Variants in KCNJ1 observed in about 807,000 individuals in gnomAD.
KCNJ1 encodes the protein potassium inwardly rectifying channel subfamily J member 1.
Under a neutral mutation model 21.9 loss-of-function variants are expected in KCNJ1, and 24 were observed. The ratio of observed to expected loss-of-function variants is 1.10; its 90% CI spans 0.79 to 1.54. The LOEUF (loss-of-function observed/expected upper bound fraction) is 1.54. Ranked by LOEUF, KCNJ1 falls within the 40% of genes most tolerant of loss-of-function variation. The pLI, the probability that KCNJ1 is intolerant of heterozygous loss-of-function variation, is 0.00. For missense variants in KCNJ1, 457 were observed against 455.4 expected (o/e 1.00, Z -0.03); for synonymous variants, 152 against 160.9 (o/e 0.94, Z 0.42).
chr11:128,842,262 G>T, intron 2 of KCNJ1: 1 of 1,101,826 alleles, frequency 9.1e-7, no homozygotes, highest in Non-Finnish European at 1.4e-6. Flanking sequence ...GATTTCTGTA[G>T]AGTGAAGAAG....
intron 1 of KCNJ1, among the ~76,000 whole-genome samples, chr11:128,856,489 G>T (rs973481871): frequency 1.3e-5 from 2 of 152,220 alleles, no homozygotes; most frequent in Non-Finnish European, 2.9e-5. Context: ...GCAGAAGAGG[G>T]AGCAGGGGAG....
Position 128,842,711 on chromosome 11 carries a change from A to G in KCNJ1, c.-21-2447T>C, listed in dbSNP as rs668393. ...CAGCTAAGGTCTCTGGGCAGCAGGC[A>G]TGGATTGGGTTCCAGCATTGCCTTC... On this transcript the variant is annotated intron_variant, in intron 2 of 2. Coordinates refer to ENST00000392666, the MANE Select transcript of KCNJ1 (RefSeq NM_153766.3). 0.48 allele frequency among the ~76,000 whole-genome samples: 72,435 copies of G among 151,894 alleles called. 18,843 individuals are homozygous for G. Among genetic ancestry groups the G allele is most frequent in the African/African-American group, 0.7 (28,794 of 41,428 alleles).
At chr11:128,846,772 G>C (rs1029579973) in intron 2 of KCNJ1, among the ~76,000 whole-genome samples, 10 of 152,164 alleles carry the variant, frequency 6.6e-5, no homozygotes, top group Non-Finnish European at 1.5e-4. Flanking sequence ...GATTGGATCT[G>C]TGGAAAAGCA....
At chr11:128,849,989 G>C (rs951357315) in intron 2 of KCNJ1, among the ~76,000 whole-genome samples, 1 of 152,162 alleles carries the variant, frequency 6.6e-6, no homozygotes, top group South Asian at 2.1e-4. Context: ...AGAGGGCAAA[G>C]CTCTTGACCT....
At chr11:128,861,526 C>G (rs2135961183) in intron 1 of KCNJ1, among the ~76,000 whole-genome samples, 1 of 152,208 alleles carries the variant, frequency 6.6e-6, no homozygotes, top group Non-Finnish European at 1.5e-5. Flanking sequence ...TGGGATAGAC[C>G]CAGGCAACCT....
At chr11:128,862,169 C>T (rs1329697435) in intron 1 of KCNJ1, among the ~76,000 whole-genome samples, 1 of 152,170 alleles carries the variant, frequency 6.6e-6, no homozygotes, top group Non-Finnish European at 1.5e-5. Flanking sequence ...GTAAACTCCA[C>T]AGGCTGGGAA....
At chr11:128,845,652 G>A (rs930378501) in intron 2 of KCNJ1, among the ~76,000 whole-genome samples, 5 of 152,160 alleles carry the variant, frequency 3.3e-5, no homozygotes, top group African/African-American at 1.2e-4. Flanking sequence ...CCACTATCAG[G>A]CAGCTCACAT....
intron 1 of KCNJ1, among the ~76,000 whole-genome samples, chr11:128,863,216 GA>G (rs1319105672): frequency 6.6e-6 from 1 of 152,198 alleles, no homozygotes; most frequent in Non-Finnish European, 1.5e-5. Flanking sequence ...CACACTGATA[GA>G]CCCCAATAAA....
At chr11:128,842,823 A>C (rs1433246592) in intron 2 of KCNJ1, among the ~76,000 whole-genome samples, 6 of 152,148 alleles carry the variant, frequency 3.9e-5, no homozygotes, top group Non-Finnish European at 7.3e-5. Context: ...ACTTATCATC[A>C]ATCTCCCGGC....
chr11:128,847,686 G>A (rs971110059), intron 2 of KCNJ1, among the ~76,000 whole-genome samples: 10 of 152,170 alleles, frequency 6.6e-5, no homozygotes, highest in South Asian at 4.1e-4. Flanking sequence ...AGTGGGAAGC[G>A]CTGGAAGCTG....
chr11:128,846,431 A>G (rs1158736985), intron 2 of KCNJ1, among the ~76,000 whole-genome samples: 1 of 152,188 alleles, frequency 6.6e-6, no homozygotes, highest in African/African-American at 2.4e-5. Flanking sequence ...GTCCAGGCCA[A>G]TCGGGGTCTA....
chr11:128,843,794 G>T (rs1943331004), intron 2 of KCNJ1, among the ~76,000 whole-genome samples: 1 of 152,206 alleles, frequency 6.6e-6, no homozygotes, highest in South Asian at 2.1e-4. Flanking sequence ...ATTCAATGAT[G>T]ATATGTTGAT....
chr11:128,860,887 G>A (rs948094638), intron 1 of KCNJ1, among the ~76,000 whole-genome samples: 24 of 152,210 alleles, frequency 1.6e-4, no homozygotes, highest in Non-Finnish European at 2.9e-4. Context: ...CTATCTGGGA[G>A]ACGAAGATCA....
At chr11:128,848,986 G>A (rs1174489899) in intron 2 of KCNJ1, among the ~76,000 whole-genome samples, 4 of 152,204 alleles carry the variant, frequency 2.6e-5, no homozygotes, top group Non-Finnish European at 5.9e-5. Flanking sequence ...GGAGACACAC[G>A]CTGCGGCAGT....
At chr11:128,864,864 G>C (rs971592971) in intron 1 of KCNJ1, among the ~76,000 whole-genome samples, 2 of 152,048 alleles carry the variant, frequency 1.3e-5, no homozygotes, top group Non-Finnish European at 2.9e-5. Context: ...TTACCCGGCC[G>C]TGGTCTTACC....
rs559749766 is a variant in KCNJ1, at chr11:128,852,676, A to G, written c.-191-1786T>C. 1.9e-4 allele frequency among the ~76,000 whole-genome samples: 29 copies of G among 152,356 alleles called. No homozygotes were observed. In the South Asian group the frequency reaches 5.8e-3, roughly 30 times the overall value. ...TCTCACTGGGGCTCTTCTTGCTGGC[A>G]TTTAGCATGCCCCCATCCTCATTAC... On this transcript the variant is annotated intron_variant, in intron 1 of 2. Coordinates refer to ENST00000392666, the MANE Select transcript of KCNJ1 (RefSeq NM_153766.3).
chr11:128,840,110 AAT>A lies in KCNJ1; in HGVS notation c.132_133del (p.Phe45LeufsTer10). 6.2e-7 allele frequency: 1 copy of A among 1,614,196 alleles called. No individual in the cohort carries two copies. Among genetic ancestry groups the A allele is most frequent in the Non-Finnish European group, 8.5e-7 (1 of 1,180,036 alleles). On this transcript the variant is annotated frameshift_variant, in exon 3 of 3. Transcript: ENST00000392666. LOFTEE classifies it high-confidence loss of function. ...TACCGTTGTCCAGATGTCCACAAAG[AAT>A]ATAAACCTTGACTGTGCCTCCACAT...
chr11:128,853,788 G>A (rs568227280), intron 1 of KCNJ1, among the ~76,000 whole-genome samples: 35 of 152,238 alleles, frequency 2.3e-4, no homozygotes, highest in African/African-American at 6.5e-4. Flanking sequence ...TTGGAACCTC[G>A]GCTGAACTCA....
intron 1 of KCNJ1, among the ~76,000 whole-genome samples, 174 bp downstream of exon 1, chr11:128,866,999 G>A (rs1308734234): frequency 6.6e-6 from 1 of 152,100 alleles, no homozygotes; most frequent in East Asian, 1.9e-4. Context: ...TAATCCACAT[G>A]TAACCAGCAC....
Sources: gnomAD v4.1 joint callset for allele counts (sites outside exome capture counted in the v4.1 genomes callset) on GRCh38, gnomAD v4.1.1 for gene constraint, MANE v1.5 for transcripts, NCBI Gene and HGNC (gene_info 2026-07-23, HGNC 2026-07-21) for gene names.